Variants in DPP10 observed in about 807,000 individuals in gnomAD.
The protein encoded by DPP10 is inactive dipeptidyl peptidase 10.
A neutral mutation model predicts 120.9 loss-of-function variants in DPP10; 33 were observed. That is an observed-to-expected ratio of 0.27 (90% CI 0.21 to 0.37). The LOEUF is 0.37. Among genes scored for constraint, DPP10 ranks in the 10% least tolerant of loss-of-function variants. The probability of loss-of-function intolerance (pLI) is 1.00; values close to 1 mark genes in which losing one functional copy is unlikely to be tolerated. For missense variants in DPP10, 816 were observed against 942.8 expected (o/e 0.87, Z 1.76); for synonymous variants, 337 against 326.1 (o/e 1.03, Z -0.36).
chr2:114,822,633 A>C (rs1198682921), intron 1 of DPP10, among the ~76,000 whole-genome samples: 1 of 151,822 alleles, frequency 6.6e-6, no homozygotes, highest in Non-Finnish European at 1.5e-5. Context: ...TAATGCTTTA[A>C]GTTCTAGGGT....
intron 1 of DPP10, among the ~76,000 whole-genome samples, chr2:115,227,502 A>C (rs372535323): frequency 6.6e-6 from 1 of 152,152 alleles, no homozygotes; most frequent in Non-Finnish European, 1.5e-5. Context: ...TTTGGCAGCT[A>C]TATATATCTG....
intron 1 of DPP10, among the ~76,000 whole-genome samples, chr2:114,608,265 A>AT (rs5833555): frequency 1 from 152,300 of 152,300 alleles, 76,150 homozygotes; most frequent in Non-Finnish European, 1. Context: ...GATCAGTGCC[A>AT]TTCAATCTCT....
chr2:114,661,521 G>A (rs934213411), intron 1 of DPP10, among the ~76,000 whole-genome samples: 5 of 152,162 alleles, frequency 3.3e-5, no homozygotes, highest in African/African-American at 9.7e-5. Flanking sequence ...AAGGAAGGCC[G>A]TGTCCCTGTA....
At chr2:115,314,068 A>G (rs1032762418) in intron 2 of DPP10, among the ~76,000 whole-genome samples, 3 of 152,170 alleles carry the variant, frequency 2.0e-5, no homozygotes, top group African/African-American at 7.2e-5. Flanking sequence ...TTTACATTTA[A>G]TATGTAGAAT....
intron 5 of DPP10, among the ~76,000 whole-genome samples, chr2:115,653,038 A>G (rs1368586292): frequency 7.5e-6 from 1 of 132,988 alleles, no homozygotes; most frequent in Non-Finnish European, 1.7e-5. Context: ...ACACAGGGGG[A>G]AAGCACAAAT....
At chr2:115,104,565 T>C (rs1019188845) in intron 1 of DPP10, among the ~76,000 whole-genome samples, 1 of 152,148 alleles carries the variant, frequency 6.6e-6, no homozygotes, top group Non-Finnish European at 1.5e-5. Flanking sequence ...TGAGTAAGGT[T>C]TCATCCCTGT....
intron 5 of DPP10, among the ~76,000 whole-genome samples, chr2:115,648,129 A>G (rs1340654535): frequency 6.6e-6 from 1 of 152,046 alleles, no homozygotes; most frequent in African/African-American, 2.4e-5. Context: ...AGAATTCTCC[A>G]CCAGAGCAAA....
At chr2:115,353,732 T>C (rs976289530) in intron 3 of DPP10, among the ~76,000 whole-genome samples, 2 of 152,178 alleles carry the variant, frequency 1.3e-5, no homozygotes, top group African/African-American at 2.4e-5. Context: ...ATTTTTGTTT[T>C]ATACATGAGT....
chr2:114,615,845 C>G (rs773443634), intron 1 of DPP10, among the ~76,000 whole-genome samples: 3 of 152,078 alleles, frequency 2.0e-5, no homozygotes, highest in Non-Finnish European at 4.4e-5. Flanking sequence ...TTGGGCATTT[C>G]CTATGTTCTA....
intron 1 of DPP10, among the ~76,000 whole-genome samples, chr2:115,105,077 G>C (rs2048881806): frequency 6.6e-6 from 1 of 152,032 alleles, no homozygotes; most frequent in Non-Finnish European, 1.5e-5. Context: ...TGGTTACAAG[G>C]AAATAACCTA....
chr2:115,091,993 ACT>A (rs1709305301), intron 1 of DPP10, among the ~76,000 whole-genome samples: 1 of 152,230 alleles, frequency 6.6e-6, no homozygotes, highest in African/African-American at 2.4e-5. Context: ...ATTGCGGCCT[ACT>A]GAGTGCACAC....
At chr2:114,562,919 A>T (rs1346734091) in intron 1 of DPP10, among the ~76,000 whole-genome samples, 3 of 152,206 alleles carry the variant, frequency 2.0e-5, no homozygotes, top group Non-Finnish European at 2.9e-5. Flanking sequence ...TATTTTTATA[A>T]AACTTTTAAC....
intron 19 of DPP10, among the ~76,000 whole-genome samples, chr2:115,804,249 A>C (rs1422981142): frequency 6.6e-6 from 1 of 152,074 alleles, no homozygotes; most frequent in African/African-American, 2.4e-5. Flanking sequence ...TGCATTCGTC[A>C]CGTAGTTCTC....
intron 3 of DPP10, among the ~76,000 whole-genome samples, chr2:115,495,057 A>T (rs2148763714): frequency 6.6e-6 from 1 of 152,208 alleles, no homozygotes; most frequent in African/African-American, 2.4e-5. Context: ...TCACAGCATA[A>T]CCCGTTAAGC....
At chr2:115,838,241 T>A (rs987207106) in intron 24 of DPP10, among the ~76,000 whole-genome samples, 1 of 152,050 alleles carries the variant, frequency 6.6e-6, no homozygotes, top group Admixed American at 6.5e-5. Flanking sequence ...GCGTAAAAAT[T>A]TTGAGGGACA....
At chr2:115,285,766 A>G (rs2060337552) in intron 1 of DPP10, among the ~76,000 whole-genome samples, 1 of 151,970 alleles carries the variant, frequency 6.6e-6, no homozygotes, top group South Asian at 2.1e-4. Flanking sequence ...ACCCAAGAAC[A>G]ATTGGGTTGT....
intron 1 of DPP10, among the ~76,000 whole-genome samples, chr2:114,623,763 C>A (rs1266831714): frequency 6.6e-6 from 1 of 152,060 alleles, no homozygotes; most frequent in East Asian, 1.9e-4. Flanking sequence ...TAATTCAATT[C>A]AAACTTTGGT....
Position 115,836,681 on chromosome 2 carries a change from G to A in DPP10, c.2117G>A (p.Ser706Asn), listed in dbSNP as rs771623695. 3 of 1,612,972 alleles carry A rather than the reference G, an allele frequency of 1.9e-6. No individual in the cohort carries two copies. The highest frequency in any genetic ancestry group is 2.5e-6 in the Non-Finnish European group (3 of 1,179,570). The part of the protein sequence containing the change: ...SKEESTYQAA[S>N]VLHNVHGLKE... Reference sequence around the variant, plus strand: ...TTGTATTTTCCTTTATAGGCAGCCAGTGTGCTACATAATGTTCATGGCTTG... The same window carrying A: ...TTGTATTTTCCTTTATAGGCAGCCAATGTGCTACATAATGTTCATGGCTTG... The change falls in exon 24 of 26, where the codon AGT becomes AAT. Residue 706 changes from serine to asparagine, a missense_variant. Physicochemically the swap from Ser to Asn is conservative, Grantham distance 46 (BLOSUM62 1). Around this residue, in one of 3 missense-constraint regions of DPP10, gnomAD observed 592 missense variants for 649.0 expected, o/e 0.91. Coordinates refer to ENST00000410059, the MANE Select transcript of DPP10 (RefSeq NM_020868.6).
At chr2:114,719,677 A>G (rs915137284) in intron 1 of DPP10, among the ~76,000 whole-genome samples, 3 of 152,336 alleles carry the variant, frequency 2.0e-5, no homozygotes, top group Middle Eastern at 3.4e-3. Context: ...CTGAAAATCA[A>G]ATGACAAAAG....
Sources: allele counts gnomAD v4.1 joint callset (sites outside exome capture counted in the v4.1 genomes callset), GRCh38; gene constraint gnomAD v4.1.1; regional missense constraint gnomAD v4.1.1; transcripts MANE v1.5; gene names NCBI Gene and HGNC (gene_info 2026-07-23, HGNC 2026-07-21).